The following C1QTNF5 variants were observed in gnomAD, a reference collection of about 807,000 sequenced individuals.
C1QTNF5 encodes the protein complement C1q tumor necrosis factor-related protein 5.
In C1QTNF5, 5 loss-of-function variants were observed where a neutral mutation model predicts 10.9. The observed-to-expected ratio is 0.46, with a 90% CI of 0.24 to 0.97. The LOEUF (loss-of-function observed/expected upper bound fraction) is 0.97. Ranked by LOEUF, C1QTNF5 falls within the 50% of genes least tolerant of loss-of-function variation. The pLI, the probability that C1QTNF5 is intolerant of heterozygous loss-of-function variation, is 0.19. For synonymous variants in C1QTNF5, 161 were observed against 156.5 expected (o/e 1.03, Z -0.22); for missense variants, 281 against 339.4 (o/e 0.83, Z 1.35).
upstream of C1QTNF5, chr11:119,342,089 G>A: frequency 1.4e-6 from 2 of 1,424,886 alleles, no homozygotes; most frequent in South Asian, 2.4e-5. Context: ...GGTCCAATGG[G>A]GGTGGTTGTG....
upstream of C1QTNF5, chr11:119,344,903 G>A (rs1489935162): frequency 1.2e-6 from 2 of 1,612,472 alleles, no homozygotes; most frequent in African/African-American, 1.3e-5. Context: ...CTGGTACCAG[G>A]CATGGAAACC....
chr11:119,342,534 C>T, upstream of C1QTNF5: 2 of 1,599,348 alleles, frequency 1.3e-6, no homozygotes, highest in Non-Finnish European at 1.7e-6. Context: ...TGCAGTACGG[C>T]AGTAGGGTTC....
chr11:119,340,418 G>A lies in C1QTNF5; in HGVS notation c.-21C>T. ...CTCATAGCGCTGGCACCGGGAGCCCGGACGCCGGGGTCCTCTCGCAGTCTG... is the reference window on the plus strand; with the variant it reads ...CTCATAGCGCTGGCACCGGGAGCCCAGACGCCGGGGTCCTCTCGCAGTCTG... On this transcript the variant is annotated 5_prime_UTR_variant, in exon 2 of 3. Transcript: ENST00000528368. 2 of 1,540,660 alleles carry A rather than the reference G, an allele frequency of 1.3e-6. No homozygotes were observed. Among genetic ancestry groups the A allele is most frequent in the Non-Finnish European group, 1.7e-6 (2 of 1,145,204 alleles).
chr11:119,344,406 A>G (rs1251426623), upstream of C1QTNF5: 2 of 1,611,634 alleles, frequency 1.2e-6, no homozygotes, highest in Middle Eastern at 1.6e-4. Context: ...AGAGAGGTGG[A>G]AGGGCTCATG....
In C1QTNF5 at chr11:119,339,670, G is replaced by A. The variant is rs146971652; in HGVS notation, c.393C>T (p.Asn131=). ...TGACGGCGTCGTAATGTCCCTGCTCGTTCACCAGCACGCGGTCGAAGGGCA... is the reference window on the plus strand; with the variant it reads ...TGACGGCGTCGTAATGTCCCTGCTCATTCACCAGCACGCGGTCGAAGGGCA... ...APLPFDRVLV[N]EQGHYDAVTG... Residue 131 remains asparagine (N), a synonymous_variant, in exon 3 of 3, where the codon AAC becomes AAT. Transcript: ENST00000528368. This position sits in a 1 kb window ranked among gnomAD's most constrained non-coding sequence, Gnocchi z 5.4. 1 of 1,611,488 alleles carries A rather than the reference G, an allele frequency of 6.2e-7. No individual in the cohort carries two copies. Among genetic ancestry groups the A allele is most frequent in the Non-Finnish European group, 8.5e-7 (1 of 1,179,934 alleles).
chr11:119,343,378 G>A (rs192120917), upstream of C1QTNF5, among the ~76,000 whole-genome samples: 72 of 152,294 alleles, frequency 4.7e-4, no homozygotes, highest in African/African-American at 9.6e-4. Flanking sequence ...TTATCTGGGC[G>A]TGGTGGCATG....
intron 1 of C1QTNF5, 32 bp from the exon 2 acceptor site, chr11:119,340,472 C>T: frequency 6.8e-7 from 1 of 1,464,924 alleles, no homozygotes. Flanking sequence ...AGTCGGGACC[C>T]AGAATCCTGG....
At chr11:119,345,697 C>T, upstream of C1QTNF5, 4 of 1,612,358 alleles carry the variant, frequency 2.5e-6, no homozygotes, top group African/African-American at 1.3e-5. Context: ...CTCAAGGTGC[C>T]TCTTCCTCAC....
chr11:119,344,281 G>A (rs761532593), upstream of C1QTNF5: 8 of 1,592,842 alleles, frequency 5.0e-6, no homozygotes, highest in Admixed American at 1.7e-5. Context: ...TTCCGTGTGT[G>A]CCCCTCCCGT....
chr11:119,340,410 G>T lies in C1QTNF5; in HGVS notation c.-13C>A. The T allele has an allele frequency of 6.5e-7, 1 of 1,542,842 alleles. No individual in the cohort carries two copies. Among genetic ancestry groups the T allele is most frequent in the South Asian group, 1.2e-5 (1 of 83,748 alleles). The stretch of plus-strand genomic sequence containing the variant: ...GGAGTGGCCTCATAGCGCTGGCACC[G>T]GGAGCCCGGACGCCGGGGTCCTCTC... On this transcript the variant is annotated 5_prime_UTR_variant, in exon 2 of 3. Transcript: ENST00000528368.
chr11:119,341,538 G>A (rs760062834), upstream of C1QTNF5: 10 of 1,609,078 alleles, frequency 6.2e-6, no homozygotes, highest in African/African-American at 2.7e-5. Flanking sequence ...GGCAGGGGCC[G>A]GCTTCAGGGT....
upstream of C1QTNF5, chr11:119,341,046 C>T (rs528171942): frequency 2.2e-5 from 4 of 184,508 alleles, no homozygotes; most frequent in Non-Finnish European, 4.5e-5. Flanking sequence ...CCTCCTGTTC[C>T]CAGGGCCAGA....
At chr11:119,346,688 G>A in the C1QTNF5 span, 1 of 685,112 alleles carries the variant, frequency 1.5e-6, no homozygotes, top group Non-Finnish European at 2.6e-6. Flanking sequence ...TGGCCTATGG[G>A]CTACTCTGTC....
chr11:119,346,194 T>G, the C1QTNF5 span: 1 of 1,566,646 alleles, frequency 6.4e-7, no homozygotes, highest in South Asian at 1.2e-5. Flanking sequence ...GAAAGCCCCT[T>G]CTGTTGGGTA....
chr11:119,344,678 G>A (rs781152331), upstream of C1QTNF5: 57 of 1,613,976 alleles, frequency 3.5e-5, no homozygotes, highest in Non-Finnish European at 4.6e-5. Context: ...CGTCAGCACA[G>A]TTGGCAAAAC....
Position 119,340,381 on chromosome 11 carries a change from A to T in C1QTNF5, c.17T>A (p.Val6Asp), listed in dbSNP as rs1565291596. The change falls in exon 2 of 3, where the codon GTC becomes GAC. Residue 6 changes from valine to aspartate, a missense_variant. Transcript: ENST00000528368. The stretch of plus-strand genomic sequence containing the variant: ...GGCCGCCAGGCCCAGGAGCAGCAGG[A>T]CGAGGAGTGGCCTCATAGCGCTGGC... MRPLL[V>D]LLLLGLAAGS... 7.1e-6 allele frequency: 11 copies of T among 1,545,454 alleles called. No individual in the cohort carries two copies. The highest frequency in any genetic ancestry group is 9.6e-6 in the Non-Finnish European group (11 of 1,146,078).
chr11:119,339,603 C>T lies in C1QTNF5; in HGVS notation c.460G>A (p.Ala154Thr). 6.2e-7 allele frequency: 1 copy of T among 1,613,242 alleles called. No individual in the cohort carries two copies. Among genetic ancestry groups the T allele is most frequent in the Non-Finnish European group, 8.5e-7 (1 of 1,180,042 alleles). Reference protein sequence around the residue: ...TCQVPGVYYFAVHATVYRASL... With the variant: ...TCQVPGVYYFTVHATVYRASL... ...GCCCGGTAGACGGTGGCATGGACGG[C>T]GAAGTAGTAGACCCCAGGCACCTGG... The change falls in exon 3 of 3, where the codon GCC becomes ACC. Residue 154 changes from alanine (A) to threonine (T), a missense_variant. Physicochemically the swap from Ala to Thr is moderately conservative, Grantham distance 58 (BLOSUM62 0). Coordinates refer to ENST00000528368, the MANE Select transcript of C1QTNF5 (RefSeq NM_001278431.2). This position sits in a 1 kb window ranked among gnomAD's most constrained non-coding sequence, Gnocchi z 5.4.
chr11:119,344,959 G>T, upstream of C1QTNF5: 1 of 1,609,570 alleles, frequency 6.2e-7, no homozygotes, highest in Non-Finnish European at 8.5e-7. Flanking sequence ...CCAGGAGGTG[G>T]CTGGCATTGG....
At chr11:119,342,094 G>A (rs1950508793), upstream of C1QTNF5, 1 of 1,361,218 alleles carries the variant, frequency 7.3e-7, no homozygotes, top group African/African-American at 1.4e-5. Flanking sequence ...AATGGGGGTG[G>A]TTGTGAGGAA....
Sources: allele counts gnomAD v4.1 joint callset (sites outside exome capture counted in the v4.1 genomes callset), GRCh38; gene constraint gnomAD v4.1.1; non-coding constraint Gnocchi (gnomAD v3.1); transcripts MANE v1.5; gene names NCBI Gene and HGNC (gene_info 2026-07-23, HGNC 2026-07-21).